Variants in UBN2 observed in about 807,000 individuals in gnomAD.
UBN2 encodes the protein ubinuclein 2.
In UBN2, 35 loss-of-function variants were observed where a neutral mutation model predicts 120.2. The observed-to-expected ratio is 0.29, with a 90% CI of 0.22 to 0.39. The LOEUF is 0.39. Ranked by LOEUF, UBN2 falls within the 10% of genes least tolerant of loss-of-function variation. UBN2 has a pLI of 1.00. For missense variants in UBN2, 1,693 were observed against 1,663.2 expected, an observed-to-expected ratio of 1.02 and a Z score of -0.31; for synonymous variants, 661 against 648.7, an observed-to-expected ratio of 1.02 and a Z score of -0.29.
rs763713571 is a variant in UBN2, at chr7:139,283,459, A to G, written c.2554A>G (p.Ile852Val). The G allele has an allele frequency of 9.9e-6, 16 of 1,614,160 alleles. No individual in the cohort carries two copies. The South Asian group carries it at 1.2e-4, about 12-fold the overall frequency. ...KKPQDLAHTG[I>V]SSGLIAGSSI... Reference sequence around the variant, plus strand: ...ACCCCAGGATTTAGCTCATACTGGCATCTCTTCAGGCCTTATTGCTGGTTC... The same window carrying G: ...ACCCCAGGATTTAGCTCATACTGGCGTCTCTTCAGGCCTTATTGCTGGTTC... The change falls in exon 15 of 18, where the codon ATC becomes GTC. Residue 852 changes from isoleucine (I) to valine (V), a missense_variant. Ile to Val is a conservative substitution (Grantham distance 29, BLOSUM62 3). Coordinates refer to ENST00000473989, the MANE Select transcript of UBN2 (RefSeq NM_173569.4).
In UBN2 at chr7:139,284,497, G is replaced by C. The variant is rs1797722297; in HGVS notation, c.3592G>C (p.Gly1198Arg). 2 of 1,614,020 alleles carry C rather than the reference G, an allele frequency of 1.2e-6. No individual in the cohort carries two copies. Among genetic ancestry groups the C allele is most frequent in the Admixed American group, 3.3e-5 (2 of 60,004 alleles). Residue 1198 changes from glycine to arginine, a missense_variant, in exon 15 of 18, where the codon GGT (glycine) becomes CGT (arginine). By Grantham distance (125) the Gly-to-Arg change is moderately radical. Transcript: ENST00000473989. ...TGGGGGAACAGGAAGTGGAACACAG[G>C]GTGCTACCAAACCATTGTCTACTCC... ...LSGGTGSGTQ[G>R]ATKPLSTPHR...
intron 3 of UBN2, among the ~76,000 whole-genome samples, chr7:139,255,539 A>G (rs1796738492): frequency 2.0e-5 from 3 of 152,210 alleles, no homozygotes; most frequent in Admixed American, 2.0e-4. Flanking sequence ...TGAACAAGGT[A>G]GGTTCCTGTT....
In UBN2 at chr7:139,298,578, A is replaced by G. The variant is rs1253789728; in HGVS notation, c.*742A>G. Reference sequence around the variant, plus strand: ...CCCTTTTTGTAAAAGGGTCAATTTCATCTTCCGTTCAGAAGCAGGTACTTA... The same window carrying G: ...CCCTTTTTGTAAAAGGGTCAATTTCGTCTTCCGTTCAGAAGCAGGTACTTA... On this transcript the variant is annotated 3_prime_UTR_variant, in exon 18 of 18. Transcript: ENST00000473989. The G allele has an allele frequency of 6.6e-6, 1 of 151,948 alleles. No individual in the cohort carries two copies. Among genetic ancestry groups the G allele is most frequent in the African/African-American group, 2.4e-5 (1 of 41,372 alleles). 9.4% of individuals were successfully genotyped at this position (151,948 alleles called of 1,614,324 possible). A position where few individuals can be genotyped will look rare whatever the true frequency, so the allele number is the denominator to read the frequency against.
chr7:139,292,879 G>A (rs1054148881), intron 15 of UBN2, among the ~76,000 whole-genome samples: 11 of 152,290 alleles, frequency 7.2e-5, no homozygotes, highest in Admixed American at 3.9e-4. Context: ...TGCAGCAGCC[G>A]CTGCAGGAAA....
rs1249508621 is a variant in UBN2, at chr7:139,308,050, T to C, written c.*10214T>C. ...GTTTTTTTTTTTTTTTTAATTTTTT[T>C]GCAACAGCCTTGCTCATATTCCAGG... On this transcript the variant is annotated 3_prime_UTR_variant, in exon 18 of 18. Coordinates refer to ENST00000473989, the MANE Select transcript of UBN2 (RefSeq NM_173569.4). 1 of 151,784 alleles carries C rather than the reference T, an allele frequency of 6.6e-6. No individual in the cohort carries two copies. The highest frequency in any genetic ancestry group is 2.4e-5 in the African/African-American group (1 of 41,250). The allele number at this position is 151,784 out of a possible 1,614,324, so 9.4% of individuals were successfully genotyped here.
At chr7:139,312,388 G>A (rs569575522), downstream of UBN2, among the ~76,000 whole-genome samples, 4 of 152,110 alleles carry the variant, frequency 2.6e-5, no homozygotes, top group Non-Finnish European at 5.9e-5. Flanking sequence ...ACTGCTACAC[G>A]GATTCCCTAG....
intron 1 of UBN2, 120 bp downstream of exon 1, chr7:139,232,072 G>T: frequency 3.1e-6 from 3 of 957,588 alleles, no homozygotes; most frequent in Non-Finnish European, 4.4e-6. Context: ...CGAGGGTGGG[G>T]TGCGGGGGGC....
At chr7:139,313,569 C>T in the UBN2 span, among the ~76,000 whole-genome samples, 33 of 152,182 alleles carry the variant, frequency 2.2e-4, no homozygotes, top group African/African-American at 6.7e-4. Flanking sequence ...TCACATTTTA[C>T]GTCTTAGAGC....
intron 13 of UBN2, 116 bp downstream of exon 13, chr7:139,279,476 T>G: frequency 1.4e-6 from 1 of 707,508 alleles, no homozygotes; most frequent in Non-Finnish European, 2.3e-6. Context: ...ATAAGATAGA[T>G]GTTTTCAACT....
chr7:139,278,813 T>G (rs914480203), intron 12 of UBN2, among the ~76,000 whole-genome samples: 4 of 152,180 alleles, frequency 2.6e-5, no homozygotes, highest in Non-Finnish European at 5.9e-5. Flanking sequence ...CTTGTTCTTT[T>G]TTTTCATCTT....
chr7:139,273,461 C>A, intron 10 of UBN2, 51 bp downstream of exon 10: 4 of 1,224,350 alleles, frequency 3.3e-6, no homozygotes, highest in Admixed American at 4.9e-5. Flanking sequence ...AAGTAAGATT[C>A]CTCATTAAAA....
chr7:139,231,809 C>A lies in UBN2; in HGVS notation c.325C>A (p.Pro109Thr). The stretch of plus-strand genomic sequence containing the variant: ...GCCGCTGCCCTTGCAGCCGCCCCCG[C>A]CGCGGGAGTCGGCTTCCCGGGCTGA... ...FPPLPLQPPP[P>T]RESASRAEQP... The change falls in exon 1 of 18, where the codon CCG (proline) becomes ACG (threonine). Residue 109 changes from proline to threonine, a missense_variant. This residue lies in a region of UBN2 where 663 missense variants were observed against 591.2 expected (regional missense o/e 1.12). Coordinates refer to ENST00000473989, the MANE Select transcript of UBN2 (RefSeq NM_173569.4). The A allele has an allele frequency of 4.8e-6, 7 of 1,443,608 alleles. No homozygotes were observed. The highest frequency in any genetic ancestry group is 6.4e-6 in the Non-Finnish European group (7 of 1,098,586). The allele number at this position is 1,443,608 out of a possible 1,614,324, so 89.4% of individuals were successfully genotyped here.
chr7:139,273,809 A>G, intron 10 of UBN2, 122 bp from the exon 11 acceptor site: 1 of 797,096 alleles, frequency 1.3e-6, no homozygotes, highest in South Asian at 2.3e-5. Flanking sequence ...ACTGTGGTGC[A>G]ATGAATGATA....
downstream of UBN2, among the ~76,000 whole-genome samples, chr7:139,309,363 G>A (rs571408454): frequency 6.6e-6 from 1 of 152,218 alleles, no homozygotes; most frequent in Admixed American, 6.5e-5. Context: ...TAGGGGATGA[G>A]GGGGACTGTA....
chr7:139,273,865 G>A, intron 10 of UBN2, 66 bp from the exon 11 acceptor site: 1 of 1,373,560 alleles, frequency 7.3e-7, no homozygotes, highest in Non-Finnish European at 9.8e-7. Context: ...CACATAATCT[G>A]TATTATTGCT....
chr7:139,271,208 T>C (rs956775289), intron 8 of UBN2, among the ~76,000 whole-genome samples: 4 of 152,256 alleles, frequency 2.6e-5, no homozygotes, highest in Non-Finnish European at 4.4e-5. Flanking sequence ...TGCTGTAATA[T>C]TTACTGGTGT....
intron 14 of UBN2, among the ~76,000 whole-genome samples, chr7:139,282,786 C>T (rs904009109): frequency 2.0e-5 from 3 of 152,050 alleles, no homozygotes; most frequent in Admixed American, 6.6e-5. Flanking sequence ...TATGAATGTT[C>T]CTTCCACTTG....
At position 139,273,405 on chromosome 7, in the gene UBN2, T is replaced by G. The variant is rs1221327517; in HGVS notation, c.1824T>G (p.Thr608=). 6.3e-7 allele frequency: 1 copy of G among 1,578,790 alleles called. No homozygotes were observed. The highest frequency in any genetic ancestry group is 8.6e-7 in the Non-Finnish European group (1 of 1,160,188). ...GAAAGAAATTCCACTGGGATGACAC[T>G]ATCAGGTAAGATTTAATTAGTTTTC... ...GPRKKFHWDD[T]IRTLLCNLVE... Residue 608 remains threonine (T), a synonymous_variant, in exon 10 of 18, where the codon ACT becomes ACG. Transcript: ENST00000473989.
chr7:139,258,808 A>T (rs1016046784), intron 4 of UBN2, among the ~76,000 whole-genome samples, 183 bp downstream of exon 4: 4 of 152,174 alleles, frequency 2.6e-5, no homozygotes, highest in Admixed American at 6.6e-5. Context: ...TATTTACATC[A>T]TAGAATTATA....
Sources: allele counts gnomAD v4.1 joint callset (sites outside exome capture counted in the v4.1 genomes callset), GRCh38; gene constraint gnomAD v4.1.1; regional missense constraint gnomAD v4.1.1; transcripts MANE v1.5; gene names NCBI Gene and HGNC (gene_info 2026-07-23, HGNC 2026-07-21).